The following CACNA1H variants were observed in gnomAD, a reference collection of about 807,000 sequenced individuals.
The protein encoded by CACNA1H is calcium voltage-gated channel subunit alpha1 H, also known as voltage-dependent T-type calcium channel subunit alpha-1H.
A neutral mutation model predicts 192.5 loss-of-function variants in CACNA1H; 149 were observed. The observed-to-expected ratio is 0.77, with a 90% confidence interval of 0.68 to 0.89. CACNA1H has a LOEUF of 0.89. Among genes scored for constraint, CACNA1H ranks in the 40% least tolerant of loss-of-function variants. The pLI, the probability that CACNA1H is intolerant of heterozygous loss-of-function variation, is 0.00. For synonymous variants in CACNA1H, 2,202 were observed against 1,475.2 expected, an observed-to-expected ratio of 1.49 and a Z score of -11.29; for missense variants, 4,257 against 3,423.5, an observed-to-expected ratio of 1.24 and a Z score of -6.08.
chr16:1,181,825 C>T (rs575748353), intron 2 of CACNA1H, among the ~76,000 whole-genome samples: 17 of 152,186 alleles, frequency 1.1e-4, no homozygotes, highest in African/African-American at 3.1e-4. Flanking sequence ...GGGGTGAGCC[C>T]GGCCCATGCA....
At chr16:1,196,059 A>T in intron 5 of CACNA1H, 36 bp downstream of exon 5, 1 of 1,527,558 alleles carries the variant, frequency 6.5e-7, no homozygotes, top group Non-Finnish European at 9.1e-7. Context: ...TGAGATCAAC[A>T]GGCTTGCGTG....
Position 1,221,754 on chromosome 16 carries a change from A to G in CACNA1H, c.*760A>G, listed in dbSNP as rs1335427652. ...GAGGGGGCGGAGCGGAATAAATAGTAACTTATTTAAGAAATGCACTTGGAT... is the reference window on the plus strand; with the variant it reads ...GAGGGGGCGGAGCGGAATAAATAGTGACTTATTTAAGAAATGCACTTGGAT... On this transcript the variant is annotated 3_prime_UTR_variant, in exon 35 of 35. Coordinates refer to ENST00000348261, the MANE Select transcript of CACNA1H (RefSeq NM_021098.3). The G allele has an allele frequency of 1.9e-6, 3 of 1,559,116 alleles. No homozygotes were observed. Among genetic ancestry groups the G allele is most frequent in the Non-Finnish European group, 2.6e-6 (3 of 1,148,304 alleles).
chr16:1,178,449 T>G (rs1459141462), intron 2 of CACNA1H, among the ~76,000 whole-genome samples: 2 of 151,548 alleles, frequency 1.3e-5, no homozygotes, highest in African/African-American at 4.9e-5. Flanking sequence ...TGACTGTATT[T>G]GGAGATAAGG....
At chr16:1,190,668 T>C (rs58122624) in intron 2 of CACNA1H, among the ~76,000 whole-genome samples, 3,735 of 152,322 alleles carry the variant, frequency 0.025, 151 homozygotes, top group African/African-American at 0.084. Context: ...GACCCTGCTA[T>C]ACCACCGTCC....
At chr16:1,212,762 G>A (rs978520299) in intron 26 of CACNA1H, among the ~76,000 whole-genome samples, 105 of 152,330 alleles carry the variant, frequency 6.9e-4, no homozygotes, top group African/African-American at 2.3e-3. Flanking sequence ...GCCGTGCGCC[G>A]GGACACCCAG....
chr16:1,208,857 C>T lies in CACNA1H; in HGVS notation c.3364-175C>T, dbSNP rs548745521. Among the ~76,000 whole-genome samples the T allele has an allele frequency of 1.5e-3, 230 of 152,342 alleles. 1 individual carries two copies. Among genetic ancestry groups the T allele is most frequent in the Middle Eastern group, 0.014 (4 of 294 alleles). ...AGGCGGACACCCTGACCCTCATGAG[C>T]TACGCCTGTGGCTGGCTCGGTGTCC... On this transcript the variant is annotated intron_variant, in intron 16 of 34. Transcript: ENST00000348261.
intron 2 of CACNA1H, among the ~76,000 whole-genome samples, chr16:1,178,434 G>A (rs1358089734): frequency 2.0e-5 from 3 of 151,606 alleles, no homozygotes; most frequent in Non-Finnish European, 2.9e-5. Context: ...AAGTGCCTCA[G>A]AATGTGACTG....
chr16:1,183,782 G>A (rs752422364), intron 2 of CACNA1H, among the ~76,000 whole-genome samples: 16 of 152,264 alleles, frequency 1.1e-4, no homozygotes, highest in Admixed American at 9.8e-4. Flanking sequence ...GGGTGAGCAC[G>A]TGACCTGGCG....
chr16:1,200,714 A>T lies in CACNA1H; in HGVS notation c.1120-2A>T. ...GCCCAAGTCAAGCCACTGCCCCCCC[A>T]GGTGATCACGCTGGAAGGCTGGGTG... On this transcript the variant is annotated splice_acceptor_variant, in intron 7 of 34. Transcript: ENST00000348261. LOFTEE classifies it high-confidence loss of function. 1 of 1,564,614 alleles carries T rather than the reference A, an allele frequency of 6.4e-7. No individual in the cohort carries two copies.
chr16:1,192,226 C>T (rs1028400156), intron 2 of CACNA1H, among the ~76,000 whole-genome samples: 2 of 152,318 alleles, frequency 1.3e-5, no homozygotes, highest in Admixed American at 1.3e-4. Flanking sequence ...GTCACAAAGG[C>T]TTGGGGTGGG....
intron 9 of CACNA1H, among the ~76,000 whole-genome samples, chr16:1,203,390 C>T (rs1419304894): frequency 6.6e-6 from 1 of 152,060 alleles, no homozygotes; most frequent in Non-Finnish European, 1.5e-5. Context: ...GAAGTGGCTG[C>T]TGTTATATTT....
chr16:1,199,101 A>ATGGCTCCGCCCACTG (rs1967399525), intron 6 of CACNA1H, among the ~76,000 whole-genome samples: 2 of 22,430 alleles, frequency 8.9e-5, no homozygotes, highest in Non-Finnish European at 1.9e-4. Flanking sequence ...TCTGCCCACC[A>ATGGCTCCGCCCACTG]CGCAGTCGCT....
At position 1,213,900 on chromosome 16, in the gene CACNA1H, C is replaced by G. The variant is rs1381765830; in HGVS notation, c.4898C>G (p.Thr1633Ser). The change falls in exon 27 of 35, where the codon ACC (threonine) becomes AGC (serine). Residue 1633 changes from threonine to serine, a missense_variant. Physicochemically the swap from Thr to Ser is moderately conservative, Grantham distance 58. Transcript: ENST00000348261. The stretch of plus-strand genomic sequence containing the variant: ...TTCATCATCTGTGTCAACGTCATCA[C>G]CATGTCCATGGAGCACTATAACCAA... ...ITFIICVNVI[T>S]MSMEHYNQPK... 4 of 1,611,736 alleles carry G rather than the reference C, an allele frequency of 2.5e-6. No homozygotes were observed. The African/African-American group carries it at 4.0e-5, about 16-fold the overall frequency.
rs370464756 is a variant in CACNA1H at position 1,220,489 on chromosome 16, A to G, written c.6557A>G (p.Lys2186Arg). The change falls in exon 35 of 35, where the codon AAG (lysine) becomes AGG (arginine). Residue 2186 changes from lysine to arginine, a missense_variant. By Grantham distance (26) the Lys-to-Arg change is conservative (BLOSUM62 2). Coordinates refer to ENST00000348261, the MANE Select transcript of CACNA1H (RefSeq NM_021098.3). ...GCTCTGGGTGCGCGCAGAAAGAAGA[A>G]GATGAGCCCCCCCTGCATCTCGGTG... is the stretch of plus-strand genomic sequence containing the variant. The part of the protein sequence containing the change: ...EPALGARRKK[K>R]MSPPCISVEP... 2 of 1,544,444 alleles carry G rather than the reference A, an allele frequency of 1.3e-6. No individual in the cohort carries two copies. The highest frequency in any genetic ancestry group is 8.7e-7 in the Non-Finnish European group (1 of 1,154,114).
chr16:1,220,097 G>T lies in CACNA1H; in HGVS notation c.6165G>T (p.Leu2055=), dbSNP rs779423085. The T allele has an allele frequency of 6.8e-7, 1 of 1,477,554 alleles. No homozygotes were observed. The highest frequency in any genetic ancestry group is 2.3e-5 in the Admixed American group (1 of 42,694). The allele number at this position is 1,477,554 out of a possible 1,614,324, so 91.5% of individuals were successfully genotyped here. A position where few individuals can be genotyped will look rare whatever the true frequency, so the allele number is the denominator to read the frequency against. ...PVRPVTQGGS[L]QSPPRSPRPA... ...GGCCGGTGACCCAGGGGGGCTCCCT[G>T]CAGTCCCCACCACGCTCCCCACGGC... is the stretch of plus-strand genomic sequence containing the variant. The change falls in exon 35 of 35, where the codon CTG becomes CTT. Residue 2055 remains leucine (L), a synonymous_variant. Coordinates refer to ENST00000348261, the MANE Select transcript of CACNA1H (RefSeq NM_021098.3).
rs111903030 is a variant in CACNA1H, at chr16:1,210,528, C to T, written c.3969+35C>T. On this transcript the variant is annotated intron_variant, in intron 19 of 34. Transcript: ENST00000348261. ...CCAACCCCATCGTCCCGGGCCACCA[C>T]GACCCCCAGGGAGGGGTGGAGTGGA... The T allele has an allele frequency of 0.055, 88,363 of 1,610,592 alleles. 2,866 individuals are homozygous for T. The highest frequency in any genetic ancestry group is 0.078 in the South Asian group (7,132 of 91,048).
At chr16:1,156,971 C>G (rs1481493189) in intron 2 of CACNA1H, 2 of 152,220 alleles carry the variant, frequency 1.3e-5, no homozygotes, top group Non-Finnish European at 2.9e-5. Flanking sequence ...TGTCTTAGAA[C>G]TTTTGGGGCG....
chr16:1,219,951 G>A (rs772937228), intron 34 of CACNA1H, 30 bp from the exon 35 acceptor site: 27 of 1,273,288 alleles, frequency 2.1e-5, no homozygotes, highest in African/African-American at 1.2e-4. Context: ...CCAGGGCCCC[G>A]CCCCTCACTT....
At chr16:1,202,751 C>T (rs188432884) in intron 9 of CACNA1H, among the ~76,000 whole-genome samples, 3 of 152,236 alleles carry the variant, frequency 2.0e-5, no homozygotes, top group South Asian at 4.2e-4. Flanking sequence ...CATCCCATTG[C>T]CCCTGCCTGG....
Sources: gnomAD v4.1 joint callset for allele counts (sites outside exome capture counted in the v4.1 genomes callset) on GRCh38, gnomAD v4.1.1 for gene constraint, MANE v1.5 for transcripts, NCBI Gene and HGNC (gene_info 2026-07-23, HGNC 2026-07-21) for gene names.